The following NRXN1 variants were observed in gnomAD, a reference collection of about 807,000 sequenced individuals.
The protein encoded by NRXN1 is neurexin-1.
Under a neutral mutation model 150.9 loss-of-function variants are expected in NRXN1, and 39 were observed. That is an observed-to-expected ratio of 0.26 (90% confidence interval 0.20 to 0.34). The LOEUF (loss-of-function observed/expected upper bound fraction) is 0.34. NRXN1 is among the 10% of genes least tolerant of loss of function. The pLI, the probability that NRXN1 is intolerant of heterozygous loss-of-function variation, is 1.00. For synonymous variants in NRXN1, 924 were observed against 757.0 expected (o/e 1.22, Z -3.62); for missense variants, 1,815 against 1,949.9 (o/e 0.93, Z 1.30).
At chr2:50,592,677 G>A (rs1288983288) in intron 8 of NRXN1, among the ~76,000 whole-genome samples, 1 of 152,172 alleles carries the variant, frequency 6.6e-6, no homozygotes, top group Non-Finnish European at 1.5e-5. Context: ...AGACTTTGTT[G>A]ATTTATAGAC....
In NRXN1 at chr2:50,995,356, G is replaced by C. The variant is rs935574157; in HGVS notation, c.772+32146C>G. Among the ~76,000 whole-genome samples the C allele has an allele frequency of 2.0e-5, 3 of 152,022 alleles. No individual in the cohort carries two copies. The South Asian group carries it at 6.2e-4, about 31-fold the overall frequency. ...CTCACACCTGTAATCCCAGCACTTT[G>C]TGAGGCCGAGGTGGGTGGATCACCT... On this transcript the variant is annotated intron_variant, in intron 2 of 22. Coordinates refer to ENST00000401669, the MANE Select transcript of NRXN1 (RefSeq NM_001330078.2).
chr2:50,089,515 G>C (rs1699259338), intron 19 of NRXN1, among the ~76,000 whole-genome samples: 1 of 152,128 alleles, frequency 6.6e-6, no homozygotes, highest in African/African-American at 2.4e-5. Context: ...GGCTGGGCAT[G>C]GTGGCTCATG....
In NRXN1 at chr2:50,361,671, C is replaced by T. The variant is rs1572681788; in HGVS notation, c.3364+103771G>A. ...TCACAGCCTAATTCTACCAGAGGTACAAAGAGGAGCTGGTACCATTCCTTC... is the reference window on the plus strand; with the variant it reads ...TCACAGCCTAATTCTACCAGAGGTATAAAGAGGAGCTGGTACCATTCCTTC... On this transcript the variant is annotated intron_variant, in intron 17 of 22. Transcript: ENST00000401669. Among the ~76,000 whole-genome samples the T allele has an allele frequency of 1.3e-5, 2 of 152,268 alleles. 1 individual carries two copies. Among genetic ancestry groups the T allele is most frequent in the Middle Eastern group, 6.8e-3 (2 of 294 alleles).
At chr2:49,974,292 G>T in intron 21 of NRXN1, 8 of 547,438 alleles carry the variant, frequency 1.5e-5, no homozygotes, top group South Asian at 1.5e-4. Flanking sequence ...AGTTGACGAG[G>T]CTGTTGGTAC....
chr2:50,262,080 A>G (rs1159231062), intron 17 of NRXN1, among the ~76,000 whole-genome samples: 3 of 151,918 alleles, frequency 2.0e-5, no homozygotes, highest in Non-Finnish European at 2.9e-5. Context: ...AGAAAGTTAA[A>G]TTTATCAGTG....
intron 5 of NRXN1, among the ~76,000 whole-genome samples, chr2:50,757,742 T>G (rs1419299467): frequency 6.6e-6 from 1 of 151,744 alleles, no homozygotes; most frequent in African/African-American, 2.4e-5. Context: ...AGGAAAAAGT[T>G]GAGGGTTACA....
At chr2:50,764,615 C>A (rs1482958665) in intron 5 of NRXN1, among the ~76,000 whole-genome samples, 2 of 151,930 alleles carry the variant, frequency 1.3e-5, no homozygotes, top group Admixed American at 1.3e-4. Context: ...GGAAACAGAG[C>A]AGTTAAACAA....
intron 2 of NRXN1, among the ~76,000 whole-genome samples, chr2:50,990,317 G>C (rs79067127): frequency 3.3e-5 from 5 of 151,910 alleles, no homozygotes; most frequent in Non-Finnish European, 5.9e-5. Context: ...TTTTAAGAAG[G>C]TAAAAACTTA....
At chr2:50,581,209 A>C (rs1193450455) in intron 8 of NRXN1, among the ~76,000 whole-genome samples, 3 of 152,162 alleles carry the variant, frequency 2.0e-5, no homozygotes, top group Non-Finnish European at 2.9e-5. Flanking sequence ...TGGCACTCAA[A>C]CATATATGCT....
rs2078152476 is a variant in NRXN1, at chr2:50,347,826, C to T, written c.3365-110856G>A. ...AATCTGCAGTCTCCAAACAGCAAAT[C>T]ACTGAAGCTCGGATGCAATGCAGAG... On this transcript the variant is annotated intron_variant, in intron 17 of 22. Transcript: ENST00000401669. This position sits in a 1 kb window ranked among gnomAD's most constrained non-coding sequence, Gnocchi z 4.9. 2 of 985,572 alleles carry T rather than the reference C, an allele frequency of 2.0e-6. No individual in the cohort carries two copies. The highest frequency in any genetic ancestry group is 1.7e-5 in the African/African-American group (1 of 57,358). The allele number at this position is 985,572 out of a possible 1,614,324, so 61.1% of individuals were successfully genotyped here. A position where few individuals can be genotyped will look rare whatever the true frequency, so the allele number is the denominator to read the frequency against.
At chr2:50,055,634 T>C (rs1450095881) in intron 19 of NRXN1, among the ~76,000 whole-genome samples, 1 of 152,194 alleles carries the variant, frequency 6.6e-6, no homozygotes, top group East Asian at 1.9e-4. Flanking sequence ...GATTTATCAA[T>C]CACTTGGACA....
At chr2:50,756,542 T>A (rs1189903313) in intron 5 of NRXN1, among the ~76,000 whole-genome samples, 1 of 151,826 alleles carries the variant, frequency 6.6e-6, no homozygotes, top group Non-Finnish European at 1.5e-5. Context: ...CATCAGGGAA[T>A]CTATTCTGCA....
chr2:49,927,931 C>T (rs1035725448), intron 22 of NRXN1, among the ~76,000 whole-genome samples: 3 of 151,952 alleles, frequency 2.0e-5, no homozygotes, highest in African/African-American at 2.4e-5. Flanking sequence ...GGTAATTTTT[C>T]GGGCTGGTTT....
intron 17 of NRXN1, among the ~76,000 whole-genome samples, chr2:50,259,180 G>T (rs1394980526): frequency 1.3e-5 from 2 of 151,926 alleles, no homozygotes; most frequent in Admixed American, 1.3e-4. Flanking sequence ...GAAAGAAGAA[G>T]ATACCTACAT....
At chr2:50,862,604 TAC>T (rs1676305940) in intron 5 of NRXN1, among the ~76,000 whole-genome samples, 1 of 152,074 alleles carries the variant, frequency 6.6e-6, no homozygotes, top group East Asian at 1.9e-4. Flanking sequence ...CAAGATAACT[TAC>T]AGTCTTTGGC....
intron 17 of NRXN1, among the ~76,000 whole-genome samples, chr2:50,260,713 T>C (rs2068179632): frequency 6.8e-6 from 1 of 146,442 alleles, no homozygotes; most frequent in Non-Finnish European, 1.5e-5. Flanking sequence ...AGAAATGAAA[T>C]TTCTGAAAAG....
At chr2:50,452,606 G>C (rs999678970) in intron 17 of NRXN1, among the ~76,000 whole-genome samples, 3 of 152,128 alleles carry the variant, frequency 2.0e-5, no homozygotes, top group Admixed American at 1.3e-4. Context: ...ACTGTGTTTG[G>C]AATTGCTGGT....
At chr2:50,762,701 A>G (rs1484912277) in intron 5 of NRXN1, among the ~76,000 whole-genome samples, 2 of 151,990 alleles carry the variant, frequency 1.3e-5, no homozygotes, top group Non-Finnish European at 2.9e-5. Context: ...GTAGTAATCC[A>G]TGATATATAT....
intron 3 of NRXN1, among the ~76,000 whole-genome samples, 181 bp downstream of exon 3, chr2:50,925,757 T>C (rs1161341927): frequency 6.6e-6 from 1 of 151,914 alleles, no homozygotes; most frequent in East Asian, 1.9e-4. Flanking sequence ...AAAAGTTTCA[T>C]ATACTTGGGA....
Sources: allele counts gnomAD v4.1 joint callset (sites outside exome capture counted in the v4.1 genomes callset), GRCh38; gene constraint gnomAD v4.1.1; non-coding constraint Gnocchi (gnomAD v3.1); transcripts MANE v1.5; gene names NCBI Gene and HGNC (gene_info 2026-07-23, HGNC 2026-07-21).